The following DPP10 variants were observed in gnomAD, a reference collection of about 807,000 sequenced individuals.
DPP10 encodes inactive dipeptidyl peptidase 10.
In DPP10, 33 loss-of-function variants were observed where a neutral mutation model predicts 120.9. The observed-to-expected ratio is 0.27, with a 90% CI of 0.21 to 0.37. DPP10 has a LOEUF of 0.37. Among genes scored for constraint, DPP10 ranks in the 10% least tolerant of loss-of-function variants. The probability of loss-of-function intolerance (pLI) is 1.00; values close to 1 mark genes in which losing one functional copy is unlikely to be tolerated. For missense variants in DPP10, 816 were observed against 942.8 expected (o/e 0.87, Z 1.76); for synonymous variants, 337 against 326.1 (o/e 1.03, Z -0.36).
chr2:114,844,062 A>G (rs183214116), intron 1 of DPP10, among the ~76,000 whole-genome samples: 1 of 152,200 alleles, frequency 6.6e-6, no homozygotes, highest in East Asian at 1.9e-4. Flanking sequence ...TGGAATTCTT[A>G]TTATAGTGAG....
chr2:115,634,385 T>C (rs1475591100), intron 5 of DPP10, among the ~76,000 whole-genome samples: 2 of 152,196 alleles, frequency 1.3e-5, no homozygotes, highest in African/African-American at 4.8e-5. Flanking sequence ...GATGGGTTTT[T>C]TTGTGGGGAC....
chr2:115,723,637 T>TC (rs2092700715), intron 7 of DPP10, among the ~76,000 whole-genome samples: 1 of 151,034 alleles, frequency 6.6e-6, no homozygotes, highest in Admixed American at 6.6e-5. Flanking sequence ...TTTTTTTTTT[T>TC]ACACGGCTAG....
intron 5 of DPP10, among the ~76,000 whole-genome samples, chr2:115,570,728 C>T (rs2081289243): frequency 6.6e-6 from 1 of 152,270 alleles, no homozygotes; most frequent in South Asian, 2.1e-4. Context: ...CGTAGGAATG[C>T]TTCTCTCTTA....
chr2:114,457,902 T>A (rs1314181138), intron 1 of DPP10, among the ~76,000 whole-genome samples: 1 of 152,146 alleles, frequency 6.6e-6, no homozygotes, highest in African/African-American at 2.4e-5. Context: ...TAACAAATAA[T>A]GTTCTCTGAA....
chr2:115,804,936 A>G (rs369213585), intron 19 of DPP10, among the ~76,000 whole-genome samples: 2,721 of 152,212 alleles, frequency 0.018, 79 homozygotes, highest in African/African-American at 0.06. Flanking sequence ...CATGCTGGGA[A>G]AACTACTACT....
At chr2:115,704,934 C>A (rs1353385591) in intron 7 of DPP10, among the ~76,000 whole-genome samples, 1 of 151,852 alleles carries the variant, frequency 6.6e-6, no homozygotes, top group African/African-American at 2.4e-5. Context: ...AAAATGTCCT[C>A]TTTGAGACTC....
At chr2:114,964,892 A>G (rs2104745406) in intron 1 of DPP10, among the ~76,000 whole-genome samples, 1 of 152,196 alleles carries the variant, frequency 6.6e-6, no homozygotes, top group East Asian at 1.9e-4. Flanking sequence ...TTCAGTTGTG[A>G]AATGATTTAA....
chr2:115,235,938 A>G (rs1245578580), intron 1 of DPP10, among the ~76,000 whole-genome samples: 1 of 152,118 alleles, frequency 6.6e-6, no homozygotes, highest in Non-Finnish European at 1.5e-5. Context: ...TGCCTCATAG[A>G]CGATTGTTCA....
intron 5 of DPP10, among the ~76,000 whole-genome samples, chr2:115,566,941 C>G (rs1447687439): frequency 6.6e-6 from 1 of 152,056 alleles, no homozygotes; most frequent in African/African-American, 2.4e-5. Flanking sequence ...ATTGAGAAAC[C>G]TGGATTCCAT....
intron 1 of DPP10, among the ~76,000 whole-genome samples, chr2:114,752,589 G>T (rs1679341492): frequency 6.6e-6 from 1 of 152,136 alleles, no homozygotes; most frequent in Non-Finnish European, 1.5e-5. Context: ...AGGACTCAAG[G>T]TTCTGTTCAT....
rs972912330 is a variant in DPP10, at chr2:115,749,949, T to G, written c.951-3225T>G. On this transcript the variant is annotated intron_variant, in intron 10 of 25. Coordinates refer to ENST00000410059, the MANE Select transcript of DPP10 (RefSeq NM_020868.6). ...CCCAGCTGATAGAAAGTCTGTTGACTTGAGTGCAATCCCTCTAACTAGCTT... is the reference window on the plus strand; with the variant it reads ...CCCAGCTGATAGAAAGTCTGTTGACGTGAGTGCAATCCCTCTAACTAGCTT... The G allele has an allele frequency of 4.1e-6, 4 of 980,658 alleles. No individual in the cohort carries two copies. The African/African-American group carries it at 7.0e-5, about 17-fold the overall frequency. 60.7% of individuals were successfully genotyped at this position (980,658 alleles called of 1,614,324 possible).
intron 1 of DPP10, among the ~76,000 whole-genome samples, chr2:114,891,902 C>T (rs1219042397): frequency 2.0e-5 from 3 of 152,166 alleles, no homozygotes; most frequent in Non-Finnish European, 4.4e-5. Context: ...ATACTCCAGT[C>T]CTTCTTGACA....
chr2:114,990,245 T>C (rs529692667), intron 1 of DPP10, among the ~76,000 whole-genome samples: 47 of 152,270 alleles, frequency 3.1e-4, no homozygotes, highest in African/African-American at 1.1e-3. Context: ...AATTTGAACA[T>C]ATTAATAATG....
At chr2:115,159,210 G>A (rs1219168296) in intron 1 of DPP10, among the ~76,000 whole-genome samples, 1 of 152,082 alleles carries the variant, frequency 6.6e-6, no homozygotes, top group East Asian at 1.9e-4. Flanking sequence ...TGTAATCCCA[G>A]CACTCTGGGA....
At chr2:114,899,815 C>A (rs1693392883) in intron 1 of DPP10, among the ~76,000 whole-genome samples, 1 of 151,126 alleles carries the variant, frequency 6.6e-6, no homozygotes, top group Non-Finnish European at 1.5e-5. Flanking sequence ...AAAAAATTAG[C>A]CGGGCTTGGT....
intron 1 of DPP10, among the ~76,000 whole-genome samples, chr2:115,080,055 T>C (rs1334704810): frequency 6.6e-6 from 1 of 152,190 alleles, no homozygotes; most frequent in Non-Finnish European, 1.5e-5. Flanking sequence ...CTTGCTCTTA[T>C]AGCCAAGGCT....
At chr2:115,640,662 T>A (rs1290826098) in intron 5 of DPP10, among the ~76,000 whole-genome samples, 1 of 152,208 alleles carries the variant, frequency 6.6e-6, no homozygotes, top group Non-Finnish European at 1.5e-5. Context: ...GCTGTAAAGA[T>A]AAGCTGAACT....
intron 12 of DPP10, among the ~76,000 whole-genome samples, chr2:115,766,179 T>G (rs1468692483): frequency 6.6e-6 from 1 of 151,536 alleles, no homozygotes; most frequent in Non-Finnish European, 1.5e-5. Context: ...AATATGAGAT[T>G]AGTGCAAAAG....
intron 1 of DPP10, among the ~76,000 whole-genome samples, chr2:114,716,658 A>T (rs528125225): frequency 1.3e-5 from 2 of 152,310 alleles, no homozygotes; most frequent in African/African-American, 4.8e-5. Flanking sequence ...TTATGTTCTT[A>T]ACTGGTTGAT....
Sources: allele counts gnomAD v4.1 joint callset (sites outside exome capture counted in the v4.1 genomes callset), GRCh38; gene constraint gnomAD v4.1.1; transcripts MANE v1.5; gene names NCBI Gene and HGNC (gene_info 2026-07-23, HGNC 2026-07-21).